MYO9A: variants seen among roughly 807,000 people sequenced by gnomAD.
The protein encoded by MYO9A is myosin IXA, also known as unconventional myosin-IXa.
MYO9A carries 103 observed loss-of-function variants against 293.3 expected under a neutral mutation model. The ratio of observed to expected loss-of-function variants is 0.35; its 90% CI spans 0.30 to 0.41. The LOEUF (loss-of-function observed/expected upper bound fraction) is 0.41, where lower values mean the gene tolerates loss of function less well. Ranked by LOEUF, MYO9A falls within the 10% of genes least tolerant of loss-of-function variation. The pLI is 1.00. For synonymous variants in MYO9A, 1,001 were observed against 1,035.7 expected (o/e 0.97, Z 0.64); for missense variants, 2,685 against 3,033.0 (o/e 0.89, Z 2.69).
chr15:71,870,379 A>T (rs2056470353), intron 32 of MYO9A, among the ~76,000 whole-genome samples: 1 of 152,200 alleles, frequency 6.6e-6, no homozygotes, highest in Non-Finnish European at 1.5e-5. Context: ...AGGGAATAGT[A>T]ATTGTTTCTA....
chr15:71,959,126 T>C (rs1291662289), intron 14 of MYO9A: 3 of 152,334 alleles, frequency 2.0e-5, no homozygotes, highest in African/African-American at 4.8e-5. Context: ...AGGTTTGAGA[T>C]AGTCCTTTTA....
chr15:71,826,676 CT>C lies in MYO9A; in HGVS notation c.7550del (p.Glu2517GlyfsTer22), dbSNP rs774175601. ...TTCTGCGGCCAGACATGACTGTCCC[CT>C]CTGGGGTCTCTTTGGTTTTCTGAGG... is the stretch of plus-strand genomic sequence containing the variant. ...NSPQKTKETPEGTVMSGRRKT... is the reference protein window; with the variant it reads ...NSPQKTKETPXGTVMSGRRKT... On this transcript the variant is annotated frameshift_variant, in exon 42 of 42. Coordinates refer to ENST00000356056, the MANE Select transcript of MYO9A (RefSeq NM_006901.4). LOFTEE classifies it high-confidence loss of function. 1.9e-6 allele frequency: 3 copies of C among 1,614,088 alleles called. No homozygotes were observed. The South Asian group carries it at 3.3e-5, about 18-fold the overall frequency.
In MYO9A at chr15:71,883,730, C is replaced by G. The variant is rs754493275; in HGVS notation, c.5262G>C (p.Gln1754His). 3 of 1,609,442 alleles carry G rather than the reference C, an allele frequency of 1.9e-6. No individual in the cohort carries two copies. In the African/African-American group the frequency reaches 4.0e-5, roughly 22 times the overall value. ...TGGCCCAGAATCTCATCTTAGCTCT[C>G]TGAGGTCTGTTTAAAGAAATAAAGG... ...QKASDSDIRP[Q>H]RAKMRFWAKG... Residue 1754 changes from glutamine (Q) to histidine (H), a missense_variant, in exon 28 of 42, where the codon CAG (glutamine) becomes CAC (histidine). By Grantham distance (24) the Gln-to-His change is conservative. Coordinates refer to ENST00000356056, the MANE Select transcript of MYO9A (RefSeq NM_006901.4).
chr15:71,971,385 G>C (rs1659330546), intron 12 of MYO9A, among the ~76,000 whole-genome samples: 1 of 151,608 alleles, frequency 6.6e-6, no homozygotes, highest in South Asian at 2.1e-4. Context: ...AGGAGTTTGA[G>C]ACCAGCCTGG....
At chr15:71,948,760 G>T (rs1040765477) in intron 15 of MYO9A, among the ~76,000 whole-genome samples, 1 of 152,104 alleles carries the variant, frequency 6.6e-6, no homozygotes, top group Non-Finnish European at 1.5e-5. Flanking sequence ...GACTCTGTTA[G>T]TCTGAAAATG....
chr15:71,875,900 T>A, intron 31 of MYO9A, 62 bp from the exon 32 acceptor site: 1 of 934,090 alleles, frequency 1.1e-6, no homozygotes. Context: ...ACTTTCTTAC[T>A]TCATTGCAAA....
chr15:71,973,260 A>C (rs888426153), intron 12 of MYO9A, among the ~76,000 whole-genome samples: 2 of 152,186 alleles, frequency 1.3e-5, no homozygotes. Flanking sequence ...ACACCAGCCA[A>C]TAATTCATGC....
chr15:72,063,786 G>A (rs1190164384), intron 1 of MYO9A, among the ~76,000 whole-genome samples: 1 of 152,152 alleles, frequency 6.6e-6, no homozygotes, highest in Non-Finnish European at 1.5e-5. Flanking sequence ...ATATGATCAA[G>A]CAAATTAACT....
Position 71,899,879 on chromosome 15 carries a change from C to G in MYO9A, c.3278G>C (p.Arg1093Pro), listed in dbSNP as rs771788086. Residue 1093 changes from arginine (R) to proline (P), a missense_variant, in exon 24 of 42, where the codon CGG becomes CCG. Physicochemically the swap from Arg to Pro is moderately radical, Grantham distance 103. Transcript: ENST00000356056. Reference protein sequence around the residue: ...ASWRAHLERQRYLELRAAAIV... With the variant: ...ASWRAHLERQPYLELRAAAIV... Reference sequence around the variant, plus strand: ...GGCTGCAGCCCGTAACTCCAAGTACCGCTGCCTCTCTAAGTGAGCACGCCA... The same window carrying G: ...GGCTGCAGCCCGTAACTCCAAGTACGGCTGCCTCTCTAAGTGAGCACGCCA... The G allele has an allele frequency of 9.9e-6, 16 of 1,613,976 alleles. No homozygotes were observed. Among genetic ancestry groups the G allele is most frequent in the Non-Finnish European group, 1.3e-5 (15 of 1,180,044 alleles).
intron 18 of MYO9A, among the ~76,000 whole-genome samples, chr15:71,927,935 C>T (rs1355007559): frequency 1.3e-4 from 19 of 141,548 alleles, no homozygotes; most frequent in African/African-American, 4.0e-4. Context: ...CATAAATGTA[C>T]GGGTTTACTT....
At chr15:72,070,309 C>T (rs1444196199) in intron 1 of MYO9A, among the ~76,000 whole-genome samples, 1 of 150,076 alleles carries the variant, frequency 6.7e-6, no homozygotes, top group Non-Finnish European at 1.5e-5. Flanking sequence ...AAAAAACTAC[C>T]CAGATGTGGT....
chr15:72,003,691 G>A (rs551035971), intron 8 of MYO9A, among the ~76,000 whole-genome samples: 53 of 137,006 alleles, frequency 3.9e-4, no homozygotes, highest in South Asian at 3.7e-3. Flanking sequence ...GCGACAGAGC[G>A]AGACTCCGTC....
chr15:72,000,056 G>A lies in MYO9A; in HGVS notation c.1381-116C>T, dbSNP rs187931445. On this transcript the variant is annotated intron_variant, in intron 8 of 41. Coordinates refer to ENST00000356056, the MANE Select transcript of MYO9A (RefSeq NM_006901.4). Reference sequence around the variant, plus strand: ...TAATGAGATTAGCAATTACATAGCAGAGAAAAAAGGCAATACACTGGGCAA... The same window carrying A: ...TAATGAGATTAGCAATTACATAGCAAAGAAAAAAGGCAATACACTGGGCAA... 63 of 701,750 alleles carry A rather than the reference G, an allele frequency of 9.0e-5. No individual in the cohort carries two copies. The African/African-American group carries it at 1.1e-3, about 12-fold the overall frequency. The allele number at this position is 701,750 out of a possible 1,614,324, so 43.5% of individuals were successfully genotyped here. A position where few individuals can be genotyped will look rare whatever the true frequency, so the allele number is the denominator to read the frequency against.
Position 72,054,126 on chromosome 15 carries a change from A to C in MYO9A, c.-71-7492T>G, listed in dbSNP as rs117260457. 5.7e-3 allele frequency among the ~76,000 whole-genome samples: 865 copies of C among 152,348 alleles called. 8 individuals carry two copies. In the Middle Eastern group the frequency reaches 0.065, roughly 11 times the overall value. On this transcript the variant is annotated intron_variant, in intron 1 of 41. Coordinates refer to ENST00000356056, the MANE Select transcript of MYO9A (RefSeq NM_006901.4). Reference sequence around the variant, plus strand: ...AAGAAATACCATGCAAACACTAGCCAAAAGAAAGCTGGTATAATCAAAATA... The same window carrying C: ...AAGAAATACCATGCAAACACTAGCCCAAAGAAAGCTGGTATAATCAAAATA...
rs553320790 is a variant in MYO9A, at chr15:71,822,327, G to A, written c.*4253C>T. The A allele has an allele frequency of 1.3e-5, 2 of 152,230 alleles. No homozygotes were observed. The highest frequency in any genetic ancestry group is 4.8e-5 in the African/African-American group (2 of 41,514). The allele number at this position is 152,230 out of a possible 1,614,324, so 9.4% of individuals were successfully genotyped here. On this transcript the variant is annotated 3_prime_UTR_variant, in exon 42 of 42. Coordinates refer to ENST00000356056, the MANE Select transcript of MYO9A (RefSeq NM_006901.4). Reference sequence around the variant, plus strand: ...GCTTTGTTCTTTAATGAGCCATGGGGTGATTTGTTCATCAAGCTGCTTTTG... The same window carrying A: ...GCTTTGTTCTTTAATGAGCCATGGGATGATTTGTTCATCAAGCTGCTTTTG...
chr15:71,857,746 A>G (rs1339877984), intron 34 of MYO9A, among the ~76,000 whole-genome samples: 1 of 152,110 alleles, frequency 6.6e-6, no homozygotes, highest in East Asian at 1.9e-4. Context: ...ATATAAAGGT[A>G]CATGGAAAAA....
chr15:71,967,956 A>G, intron 13 of MYO9A, 28 bp downstream of exon 13: 1 of 1,588,430 alleles, frequency 6.3e-7, no homozygotes, highest in East Asian at 2.2e-5. Context: ...TCTGCCCTGT[A>G]AGCATATTCA....
intron 39 of MYO9A, among the ~76,000 whole-genome samples, chr15:71,836,066 G>C (rs554726691): frequency 7.9e-5 from 12 of 151,940 alleles, no homozygotes; most frequent in Admixed American, 5.9e-4. Flanking sequence ...CAGAACCTGT[G>C]TTCATCAAAA....
chr15:71,837,590 G>A (rs907327438), intron 39 of MYO9A, among the ~76,000 whole-genome samples: 6 of 151,938 alleles, frequency 3.9e-5, no homozygotes, highest in Non-Finnish European at 5.9e-5. Flanking sequence ...GCTGGCCACC[G>A]GAGTATTTCA....
Sources: allele counts gnomAD v4.1 joint callset (sites outside exome capture counted in the v4.1 genomes callset), GRCh38; gene constraint gnomAD v4.1.1; transcripts MANE v1.5; gene names NCBI Gene and HGNC (gene_info 2026-07-23, HGNC 2026-07-21).